The following CSTPP1 variants were observed in gnomAD, a reference collection of about 807,000 sequenced individuals.
The protein encoded by CSTPP1 is UPF0705 protein C11orf49.
At chr11:47,158,029 T>C in the CSTPP1 span, 1 of 984,162 alleles carries the variant, frequency 1.0e-6, no homozygotes. Context: ...TCACCATCTC[T>C]GCCTTGACTT....
At chr11:47,055,473 G>A in the CSTPP1 span, among the ~76,000 whole-genome samples, 1 of 150,456 alleles carries the variant, frequency 6.6e-6, no homozygotes, top group African/African-American at 2.4e-5. Flanking sequence ...CAATGCTACT[G>A]CTACGAAACT....
At chr11:47,030,146 C>CA in the CSTPP1 span, among the ~76,000 whole-genome samples, 4 of 151,486 alleles carry the variant, frequency 2.6e-5, no homozygotes, top group African/African-American at 7.3e-5. Context: ...CAAAACAAAA[C>CA]AAAAAAAACC....
the CSTPP1 span, chr11:47,154,921 C>T: frequency 1.9e-6 from 1 of 527,060 alleles, no homozygotes. Flanking sequence ...GAACCGGGAG[C>T]CCGCTCTGGG....
chr11:47,162,791 A>C, the CSTPP1 span, among the ~76,000 whole-genome samples: 1 of 152,170 alleles, frequency 6.6e-6, no homozygotes, highest in African/African-American at 2.4e-5. Context: ...CTAGGCATAC[A>C]CATTTCCTTG....
At chr11:47,127,176 A>T in the CSTPP1 span, among the ~76,000 whole-genome samples, 1 of 152,160 alleles carries the variant, frequency 6.6e-6, no homozygotes, top group Non-Finnish European at 1.5e-5. Context: ...TCCAGGAACT[A>T]CCACTTATGC....
the CSTPP1 span, among the ~76,000 whole-genome samples, chr11:47,029,736 T>A: frequency 2.6e-5 from 4 of 151,976 alleles, no homozygotes; most frequent in African/African-American, 9.7e-5. Flanking sequence ...GTGGCCAGTT[T>A]GTGCTGCATA....
chr11:47,060,204 T>G, the CSTPP1 span, among the ~76,000 whole-genome samples: 1 of 151,296 alleles, frequency 6.6e-6, no homozygotes, highest in African/African-American at 2.4e-5. Context: ...CAGCTCATAT[T>G]CCAACCTACG....
chr11:46,966,945 T>C, the CSTPP1 span, among the ~76,000 whole-genome samples: 1 of 152,032 alleles, frequency 6.6e-6, no homozygotes, highest in Admixed American at 6.6e-5. Context: ...CCAATTTGGC[T>C]CCTGGTGAGG....
At chr11:46,983,063 T>A in the CSTPP1 span, among the ~76,000 whole-genome samples, 1 of 152,218 alleles carries the variant, frequency 6.6e-6, no homozygotes, top group Non-Finnish European at 1.5e-5. Context: ...AAAATTGTTA[T>A]GCTGTTTTAA....
the CSTPP1 span, among the ~76,000 whole-genome samples, chr11:47,033,006 TAAG>T: frequency 7.8e-4 from 118 of 152,256 alleles, 1 homozygote; most frequent in East Asian, 5.4e-3. Flanking sequence ...AAAATGTTAT[TAAG>T]AAAATCAAAA....
the CSTPP1 span, among the ~76,000 whole-genome samples, chr11:46,981,452 T>C: frequency 1.3e-5 from 2 of 152,116 alleles, no homozygotes; most frequent in Admixed American, 1.3e-4. Flanking sequence ...TTAAAAATTA[T>C]TGTGTGTTTA....
the CSTPP1 span, among the ~76,000 whole-genome samples, chr11:47,100,324 C>T: frequency 6.6e-6 from 1 of 152,136 alleles, no homozygotes; most frequent in African/African-American, 2.4e-5. Context: ...TTATATTCCC[C>T]TTAATATGTT....
chr11:46,991,917 T>C, the CSTPP1 span, among the ~76,000 whole-genome samples: 1 of 152,088 alleles, frequency 6.6e-6, no homozygotes, highest in Non-Finnish European at 1.5e-5. Context: ...ATTTTTGTAT[T>C]TTTACTAGAG....
chr11:47,109,548 T>A, the CSTPP1 span, among the ~76,000 whole-genome samples: 2 of 152,232 alleles, frequency 1.3e-5, no homozygotes, highest in Non-Finnish European at 2.9e-5. Flanking sequence ...TCTGCTTCAC[T>A]GCTGGTTGCT....
the CSTPP1 span, among the ~76,000 whole-genome samples, chr11:46,944,565 T>A: frequency 6.6e-6 from 1 of 152,126 alleles, no homozygotes; most frequent in African/African-American, 2.4e-5. Flanking sequence ...GGTCACACTT[T>A]CCACAGACTG....
At chr11:47,097,183 G>A in the CSTPP1 span, among the ~76,000 whole-genome samples, 21 of 125,468 alleles carry the variant, frequency 1.7e-4, no homozygotes, top group East Asian at 1.1e-3. Context: ...CAGCCGCCCC[G>A]TCTGGGAGGT....
the CSTPP1 span, chr11:46,948,122 C>G: frequency 2.2e-6 from 1 of 456,220 alleles, no homozygotes; most frequent in Non-Finnish European, 4.4e-6. Context: ...CAGAACCGGT[C>G]GGCTCCATGG....
the CSTPP1 span, among the ~76,000 whole-genome samples, chr11:47,048,352 G>A: frequency 6.6e-6 from 1 of 152,178 alleles, no homozygotes; most frequent in East Asian, 1.9e-4. Context: ...CCCTGCAGTG[G>A]CTTACACCTG....
At chr11:47,004,775 G>C in the CSTPP1 span, among the ~76,000 whole-genome samples, 8 of 152,174 alleles carry the variant, frequency 5.3e-5, no homozygotes, top group Non-Finnish European at 1.2e-4. Flanking sequence ...AGCTCTAGCA[G>C]TACAGTGATG....
Sources: gnomAD v4.1 joint callset for allele counts (sites outside exome capture counted in the v4.1 genomes callset) on GRCh38, gnomAD v4.1.1 for gene constraint, MANE v1.5 for transcripts, NCBI Gene and HGNC (gene_info 2026-07-23, HGNC 2026-07-21) for gene names.